SPTBN1: variants seen among roughly 807,000 people sequenced by gnomAD.
SPTBN1 encodes the protein spectrin beta, non-erythrocytic 1.
Under a neutral mutation model 266.4 loss-of-function variants are expected in SPTBN1, and 32 were observed. The observed-to-expected ratio is 0.12, with a 90% CI of 0.09 to 0.16. The LOEUF (loss-of-function observed/expected upper bound fraction) is 0.16, where lower values mean the gene tolerates loss of function less well. SPTBN1 is among the 10% of genes least tolerant of loss of function. SPTBN1 has a pLI of 1.00. For missense variants in SPTBN1, 2,296 were observed against 3,067.1 expected, an observed-to-expected ratio of 0.75 and a Z score of 5.94; for synonymous variants, 1,336 against 1,162.2, an observed-to-expected ratio of 1.15 and a Z score of -3.04.
At chr2:54,492,586 G>C (rs1381043416) in intron 1 of SPTBN1, among the ~76,000 whole-genome samples, 1 of 152,150 alleles carries the variant, frequency 6.6e-6, no homozygotes, top group Admixed American at 6.5e-5. Flanking sequence ...TTCGAACTTA[G>C]GCAAGCTAGT....
At position 54,646,170 on chromosome 2, in the gene SPTBN1, G is replaced by A; in HGVS notation, c.4585-24G>A. The A allele has an allele frequency of 1.3e-6, 2 of 1,595,864 alleles. No homozygotes were observed. Among genetic ancestry groups the A allele is most frequent in the Non-Finnish European group, 1.7e-6 (2 of 1,169,742 alleles). Reference sequence around the variant, plus strand: ...GACGGCTGCCATTTAGCAAGCCTTTGTGTGTATTTTCCGCTCCCTCCAGAC... The same window carrying A: ...GACGGCTGCCATTTAGCAAGCCTTTATGTGTATTTTCCGCTCCCTCCAGAC... On this transcript the variant is annotated intron_variant, in intron 22 of 35. Coordinates refer to ENST00000356805, the MANE Select transcript of SPTBN1 (RefSeq NM_003128.3). This position sits in a 1 kb window ranked among gnomAD's most constrained non-coding sequence, Gnocchi z 4.4.
Position 54,533,900 on chromosome 2 carries a change from TCA to T in SPTBN1, c.148+7360_148+7361del, listed in dbSNP as rs70944176. On this transcript the variant is annotated intron_variant, in intron 2 of 35. Coordinates refer to ENST00000356805, the MANE Select transcript of SPTBN1 (RefSeq NM_003128.3). This position sits in a 1 kb window ranked among gnomAD's most constrained non-coding sequence, Gnocchi z 4.2. ...ATTGATCTCTCTCTCTGTCTCTCTC[TCA>T]CACACACACACACACACACACACAC... Among the ~76,000 whole-genome samples, 2,581 of 150,260 alleles carry T rather than the reference TCA, an allele frequency of 0.017. 31 individuals are homozygous for T. Among genetic ancestry groups the T allele is most frequent in the African/African-American group, 0.03 (1,234 of 40,926 alleles).
intron 35 of SPTBN1, 31 bp from the exon 36 acceptor site, chr2:54,668,320 G>T: frequency 1.2e-6 from 2 of 1,607,930 alleles, no homozygotes; most frequent in Non-Finnish European, 8.5e-7. Flanking sequence ...ACTCTTAGTT[G>T]AGTCTCACCT....
At chr2:54,535,432 T>G (rs955787921) in intron 2 of SPTBN1, among the ~76,000 whole-genome samples, 2 of 152,232 alleles carry the variant, frequency 1.3e-5, no homozygotes, top group African/African-American at 4.8e-5. Flanking sequence ...AGGCAACTAC[T>G]AGTCTACATT....
At chr2:54,549,029 G>A (rs145028729) in intron 2 of SPTBN1, among the ~76,000 whole-genome samples, 1 of 152,136 alleles carries the variant, frequency 6.6e-6, no homozygotes, top group Non-Finnish European at 1.5e-5. Context: ...GGCTGGGCAC[G>A]GTGGCTCACG....
At chr2:54,650,719 C>G (rs576493971) in intron 26 of SPTBN1, among the ~76,000 whole-genome samples, 5 of 152,306 alleles carry the variant, frequency 3.3e-5, no homozygotes, top group Admixed American at 3.3e-4. Flanking sequence ...GTGTTTTTCG[C>G]TTTATGAGAT....
intron 1 of SPTBN1, among the ~76,000 whole-genome samples, chr2:54,479,628 C>G (rs1668004558): frequency 1.3e-5 from 2 of 152,162 alleles, no homozygotes; most frequent in South Asian, 4.1e-4. Flanking sequence ...ACGAAGTTAC[C>G]TAATCTTGGT....
chr2:54,478,408 A>G (rs547785371), intron 1 of SPTBN1, among the ~76,000 whole-genome samples: 25 of 152,016 alleles, frequency 1.6e-4, no homozygotes, highest in Non-Finnish European at 2.8e-4. Context: ...AATGTTGGGG[A>G]GTTTCGTGGA....
chr2:54,536,778 T>C (rs1004983341), intron 2 of SPTBN1, among the ~76,000 whole-genome samples: 2 of 152,182 alleles, frequency 1.3e-5, no homozygotes, highest in African/African-American at 4.8e-5. Context: ...ATGCCTGTTA[T>C]CCCAGCACTT....
chr2:54,538,871 G>A (rs966885697), intron 2 of SPTBN1, among the ~76,000 whole-genome samples: 2 of 152,150 alleles, frequency 1.3e-5, no homozygotes, highest in African/African-American at 2.4e-5. Context: ...GGAGATGCCG[G>A]GCCATTTGCG....
At chr2:54,652,198 G>T (rs923626575) in intron 26 of SPTBN1, among the ~76,000 whole-genome samples, 1 of 152,122 alleles carries the variant, frequency 6.6e-6, no homozygotes, top group African/African-American at 2.4e-5. Context: ...TGGCACTACT[G>T]ATGTTACATA....
chr2:54,607,684 G>A (rs1375287821), intron 3 of SPTBN1, among the ~76,000 whole-genome samples: 1 of 152,120 alleles, frequency 6.6e-6, no homozygotes, highest in Non-Finnish European at 1.5e-5. Flanking sequence ...ATCAAATACT[G>A]TGCCGTTTTA....
chr2:54,572,092 G>A (rs1452683995), intron 2 of SPTBN1, among the ~76,000 whole-genome samples: 1 of 152,176 alleles, frequency 6.6e-6, no homozygotes, highest in South Asian at 2.1e-4. Context: ...ACTCTGCTGG[G>A]TGCTGGGGAA....
Position 54,670,740 on chromosome 2 carries a change from C to T in SPTBN1, c.*2171C>T, listed in dbSNP as rs1451882875. 2 of 398,484 alleles carry T rather than the reference C, an allele frequency of 5.0e-6. No homozygotes were observed. The highest frequency in any genetic ancestry group is 8.8e-6 in the Non-Finnish European group (2 of 226,078). The allele number at this position is 398,484 out of a possible 1,614,324, so 24.7% of individuals were successfully genotyped here. On this transcript the variant is annotated 3_prime_UTR_variant, in exon 36 of 36. Coordinates refer to ENST00000356805, the MANE Select transcript of SPTBN1 (RefSeq NM_003128.3). ...TGGAACATCGTGCACATAATTTCAACAGTTCGCAGATCTGTAGTTATGAAG... is the reference window on the plus strand; with the variant it reads ...TGGAACATCGTGCACATAATTTCAATAGTTCGCAGATCTGTAGTTATGAAG...
At chr2:54,545,489 G>A (rs1672187501) in intron 2 of SPTBN1, 1 of 152,212 alleles carries the variant, frequency 6.6e-6, no homozygotes. Flanking sequence ...CTAAGTGATA[G>A]ATACTAGCTG....
At chr2:54,459,598 G>A (rs932419517) in intron 1 of SPTBN1, among the ~76,000 whole-genome samples, 2 of 138,578 alleles carry the variant, frequency 1.4e-5, no homozygotes, top group Non-Finnish European at 3.1e-5. Context: ...ACATTTTAAA[G>A]CCTAATTTTT....
At chr2:54,481,450 G>GT (rs1668102624) in intron 1 of SPTBN1, among the ~76,000 whole-genome samples, 4 of 146,466 alleles carry the variant, frequency 2.7e-5, no homozygotes, top group Admixed American at 1.4e-4. Flanking sequence ...GTTTTGTTTT[G>GT]TTTGTTTGTT....
intron 17 of SPTBN1, among the ~76,000 whole-genome samples, chr2:54,633,104 C>A (rs1678865260): frequency 6.6e-6 from 1 of 152,154 alleles, no homozygotes; most frequent in African/African-American, 2.4e-5. Context: ...GCTTGTGTCA[C>A]CTGATAGGAC....
At chr2:54,634,004 A>T (rs1357760182) in intron 17 of SPTBN1, among the ~76,000 whole-genome samples, 2 of 152,260 alleles carry the variant, frequency 1.3e-5, no homozygotes, top group Non-Finnish European at 2.9e-5. Flanking sequence ...AAATCCACCA[A>T]ACCCTCCTTA....
Sources: allele counts gnomAD v4.1 joint callset (sites outside exome capture counted in the v4.1 genomes callset), GRCh38; gene constraint gnomAD v4.1.1; non-coding constraint Gnocchi (gnomAD v3.1); transcripts MANE v1.5; gene names NCBI Gene and HGNC (gene_info 2026-07-23, HGNC 2026-07-21).